The following CLASRP variants were observed in gnomAD, a reference collection of about 807,000 sequenced individuals.
CLASRP encodes CLK4-associating serine/arginine rich protein.
A neutral mutation model predicts 99.9 loss-of-function variants in CLASRP; 52 were observed. The ratio of observed to expected loss-of-function variants is 0.52; its 90% CI spans 0.42 to 0.66. CLASRP has a LOEUF of 0.66. Ranked by LOEUF, CLASRP falls within the 30% of genes least tolerant of loss-of-function variation. The pLI is 0.00. For missense variants in CLASRP, 848 were observed against 999.2 expected, an observed-to-expected ratio of 0.85 and a Z score of 2.04; for synonymous variants, 379 against 373.0, an observed-to-expected ratio of 1.02 and a Z score of -0.18.
chr19:45,047,367 A>C (rs2058892631), intron 2 of CLASRP: 1 of 147,032 alleles, frequency 6.8e-6, no homozygotes, highest in African/African-American at 2.5e-5. Flanking sequence ...AACTGTGATC[A>C]CACCACTGTA....
rs1217110098 is a variant in CLASRP, at chr19:45,043,953, C to T, written c.99+3642C>T. Among the ~76,000 whole-genome samples, 3 of 152,042 alleles carry T rather than the reference C, an allele frequency of 2.0e-5. No homozygotes were observed. The East Asian group carries it at 5.8e-4, about 29-fold the overall frequency. On this transcript the variant is annotated intron_variant, in intron 2 of 20. Coordinates refer to ENST00000221455, the MANE Select transcript of CLASRP (RefSeq NM_007056.3). Reference sequence around the variant, plus strand: ...CTGGAGTGCAGTGGCACGATCTCGGCTCAGTGCAACCTCCGCCTCCCGGGT... The same window carrying T: ...CTGGAGTGCAGTGGCACGATCTCGGTTCAGTGCAACCTCCGCCTCCCGGGT...
At chr19:45,070,768 C>T (rs1468597657) in intron 20 of CLASRP, 35 bp from the exon 21 acceptor site, 6 of 1,583,938 alleles carry the variant, frequency 3.8e-6, no homozygotes, top group Admixed American at 1.7e-5. Flanking sequence ...TGTGTGTATG[C>T]CCCATCCTCA....
At chr19:45,056,168 A>G (rs555797533) in intron 5 of CLASRP, among the ~76,000 whole-genome samples, 2 of 152,308 alleles carry the variant, frequency 1.3e-5, no homozygotes, top group South Asian at 4.1e-4. Context: ...TAGAGTGCCC[A>G]AGTACCAGGC....
At chr19:45,070,159 C>T (rs1967203153) in intron 19 of CLASRP, 55 bp downstream of exon 19, 2 of 1,147,030 alleles carry the variant, frequency 1.7e-6, no homozygotes, top group African/African-American at 1.5e-5. Context: ...AAGTGTCAAG[C>T]AGGGTTACCA....
intron 2 of CLASRP, among the ~76,000 whole-genome samples, chr19:45,044,552 C>T (rs1416921393): frequency 6.6e-6 from 1 of 152,088 alleles, no homozygotes; most frequent in Non-Finnish European, 1.5e-5. Flanking sequence ...CCTTATCATG[C>T]AGAAATAGAG....
intron 6 of CLASRP, among the ~76,000 whole-genome samples, chr19:45,057,195 C>T (rs1330186925): frequency 6.6e-6 from 1 of 152,210 alleles, no homozygotes; most frequent in Non-Finnish European, 1.5e-5. Flanking sequence ...TGCCCTGGTG[C>T]ACGGTAGCCT....
chr19:45,069,166 G>C (rs765814067), intron 17 of CLASRP, 36 bp from the exon 18 acceptor site: 1 of 1,614,060 alleles, frequency 6.2e-7, no homozygotes, highest in South Asian at 1.1e-5. Flanking sequence ...GGTGGGTGCT[G>C]GCCTGGCCAC....
At chr19:45,041,056 A>G (rs939370987) in intron 2 of CLASRP, among the ~76,000 whole-genome samples, 5 of 151,830 alleles carry the variant, frequency 3.3e-5, no homozygotes, top group African/African-American at 1.2e-4. Flanking sequence ...CCCCATCTCT[A>G]TTAAAATACA....
intron 2 of CLASRP, among the ~76,000 whole-genome samples, chr19:45,044,600 C>CA (rs1241676152): frequency 6.6e-6 from 1 of 151,940 alleles, no homozygotes. Context: ...CCCATCTCTG[C>CA]AAAAAATAAT....
At position 45,057,775 on chromosome 19, in the gene CLASRP, G is replaced by C; in HGVS notation, c.490G>C (p.Gly164Arg). ...KKLAEKKASI[G>R]YTYEDSTVAE... is the part of the protein sequence containing the mutation. Reference sequence around the variant, plus strand: ...GCTGGCAGAGAAGAAGGCTTCCATCGGTTATACCTACGAGGACAGCACGGT... The same window carrying C: ...GCTGGCAGAGAAGAAGGCTTCCATCCGTTATACCTACGAGGACAGCACGGT... Residue 164 changes from glycine to arginine, a missense_variant, in exon 7 of 21, where the codon GGT (glycine) becomes CGT (arginine). Transcript: ENST00000221455. 3.7e-6 allele frequency: 6 copies of C among 1,614,012 alleles called. No individual in the cohort carries two copies. Among genetic ancestry groups the C allele is most frequent in the Non-Finnish European group, 5.1e-6 (6 of 1,179,928 alleles).
intron 13 of CLASRP, among the ~76,000 whole-genome samples, chr19:45,066,313 T>TA (rs1851439882): frequency 6.6e-6 from 1 of 151,712 alleles, no homozygotes; most frequent in South Asian, 2.1e-4. Flanking sequence ...AGAGACGGGG[T>TA]TTCACTGTGT....
chr19:45,064,261 C>A, intron 12 of CLASRP, 34 bp downstream of exon 12: 1 of 1,546,362 alleles, frequency 6.5e-7, no homozygotes, highest in South Asian at 1.2e-5. Flanking sequence ...CCCTACGCCC[C>A]GGTCACCATG....
chr19:45,052,261 T>C, intron 3 of CLASRP, 93 bp downstream of exon 3: 1 of 1,036,300 alleles, frequency 9.6e-7, no homozygotes, highest in East Asian at 2.4e-5. Flanking sequence ...GACTGAAGTA[T>C]GGACAGACCT....
In CLASRP at chr19:45,059,137, T is replaced by G. The variant is rs1966884408; in HGVS notation, c.614-131T>G. 5.3e-6 allele frequency: 4 copies of G among 749,456 alleles called. No individual in the cohort carries two copies. The South Asian group carries it at 6.7e-5, about 12-fold the overall frequency. The allele number at this position is 749,456 out of a possible 1,614,324, so 46.4% of individuals were successfully genotyped here. On this transcript the variant is annotated intron_variant, in intron 7 of 20. Coordinates refer to ENST00000221455, the MANE Select transcript of CLASRP (RefSeq NM_007056.3). ...AGGGCATGCCAAGATGAGCCAGACT[T>G]GATGCCATCCCTTCCTGAAGAATCC... is the stretch of plus-strand genomic sequence containing the variant.
At chr19:45,062,216 AG>A in intron 11 of CLASRP, 21 bp downstream of exon 11, 2 of 1,380,300 alleles carry the variant, frequency 1.4e-6, no homozygotes, top group Non-Finnish European at 2.1e-6. Flanking sequence ...CTGGAGGACC[AG>A]GGAATAGCAG....
In CLASRP at chr19:45,042,699, A is replaced by G. The variant is rs1024151390; in HGVS notation, c.99+2388A>G. ...ATGATGTCAGCTCACTGTAACGTCC[A>G]CCCCCCAGGTTCAAGCTATTCTCCT... is the stretch of plus-strand genomic sequence containing the variant. On this transcript the variant is annotated intron_variant, in intron 2 of 20. Transcript: ENST00000221455. Among the ~76,000 whole-genome samples the G allele has an allele frequency of 4.9e-4, 74 of 150,616 alleles. 1 individual carries two copies. Among genetic ancestry groups the G allele is most frequent in the African/African-American group, 1.8e-3 (72 of 40,974 alleles).
rs778385527 is a variant in CLASRP, at chr19:45,070,091, C to T, written c.1944C>T (p.Pro648=). ...ERQYSRQSRS[P]SPRYSREYSS... ...AGTACAGCCGGCAGAGCCGCTCACC[C>T]TCCCCCCGATACAGTGAGTGTCCCC... The change falls in exon 19 of 21, where the codon CCC becomes CCT. Residue 648 remains proline (P), a synonymous_variant. Coordinates refer to ENST00000221455, the MANE Select transcript of CLASRP (RefSeq NM_007056.3). The T allele has an allele frequency of 1.3e-6, 2 of 1,592,650 alleles. No individual in the cohort carries two copies. Among genetic ancestry groups the T allele is most frequent in the Non-Finnish European group, 1.7e-6 (2 of 1,160,458 alleles).
At chr19:45,059,467 G>T (rs1303395814) in intron 8 of CLASRP, 103 bp downstream of exon 8, 1 of 1,009,862 alleles carries the variant, frequency 9.9e-7, no homozygotes, top group East Asian at 2.6e-5. Flanking sequence ...GAGCATTTGT[G>T]TGCCTGGCCC....
Position 45,067,124 on chromosome 19 carries a change from T to C in CLASRP, c.1410-213T>C, listed in dbSNP as rs1967103597. 1.3e-5 allele frequency among the ~76,000 whole-genome samples: 2 copies of C among 152,118 alleles called. No homozygotes were observed. The highest frequency in any genetic ancestry group is 4.8e-5 in the African/African-American group (2 of 41,432). ...GGGCTCATGATGGCAGGACTGCCCT[T>C]AGGCTGAGTGTATCTAGAGCGCCAT... On this transcript the variant is annotated intron_variant, in intron 13 of 20. Transcript: ENST00000221455. The surrounding 1 kb of genome is among the most constrained non-coding windows in gnomAD (Gnocchi z 4.9).
Sources: gnomAD v4.1 joint callset for allele counts (sites outside exome capture counted in the v4.1 genomes callset) on GRCh38, gnomAD v4.1.1 for gene constraint, Gnocchi (gnomAD v3.1) non-coding constraint, MANE v1.5 for transcripts, NCBI Gene and HGNC (gene_info 2026-07-23, HGNC 2026-07-21) for gene names.